The following BAZ2B variants were observed in gnomAD, a reference collection of about 807,000 sequenced individuals.
BAZ2B encodes bromodomain adjacent to zinc finger domain protein 2B.
Under a neutral mutation model 246.0 loss-of-function variants are expected in BAZ2B, and 91 were observed. That is an observed-to-expected ratio of 0.37 (90% CI 0.31 to 0.44). The LOEUF (loss-of-function observed/expected upper bound fraction) is 0.44. BAZ2B is among the 20% of genes least tolerant of loss of function. The pLI, the probability that BAZ2B is intolerant of heterozygous loss-of-function variation, is 1.00. For missense variants in BAZ2B, 2,332 were observed against 2,533.7 expected, an observed-to-expected ratio of 0.92 and a Z score of 1.71; for synonymous variants, 855 against 860.0, an observed-to-expected ratio of 0.99 and a Z score of 0.10.
At chr2:159,355,540 T>C (rs1172245598) in intron 27 of BAZ2B, among the ~76,000 whole-genome samples, 1 of 152,234 alleles carries the variant, frequency 6.6e-6, no homozygotes, top group African/African-American at 2.4e-5. Context: ...GCACACTTAA[T>C]GCTTTAACCA....
At position 159,457,878 on chromosome 2, in the gene BAZ2B, T is replaced by C. The variant is rs114015732; in HGVS notation, c.146-4077A>G. ...CCTCACTTCTCAGAATCTTTCAACATTTGTGCCAAGCCCCAAGCCTCCCTT... is the reference window on the plus strand; with the variant it reads ...CCTCACTTCTCAGAATCTTTCAACACTTGTGCCAAGCCCCAAGCCTCCCTT... On this transcript the variant is annotated intron_variant, in intron 3 of 36. Transcript: ENST00000392783. Among the ~76,000 whole-genome samples, 624 of 152,244 alleles carry C rather than the reference T, an allele frequency of 4.1e-3. 4 individuals are homozygous for C. Among genetic ancestry groups the C allele is most frequent in the African/African-American group, 0.014 (597 of 41,536 alleles).
chr2:159,696,526 C>T, the BAZ2B span, among the ~76,000 whole-genome samples: 1 of 152,146 alleles, frequency 6.6e-6, no homozygotes, highest in Admixed American at 6.5e-5. Flanking sequence ...CCTGTAGTCT[C>T]CTCTGATCTA....
intron 31 of BAZ2B, among the ~76,000 whole-genome samples, chr2:159,344,048 A>G (rs547667724): frequency 2.2e-4 from 33 of 147,828 alleles, no homozygotes; most frequent in Admixed American, 5.3e-4. Context: ...AAAAAAAAGA[A>G]AAAAAAAAAA....
chr2:159,507,368 TA>T (rs148878837), intron 2 of BAZ2B, among the ~76,000 whole-genome samples: 15 of 149,970 alleles, frequency 1.0e-4, no homozygotes, highest in East Asian at 7.8e-4. Context: ...GTGAGGAGGT[TA>T]AAAAAAAAAT....
the BAZ2B span, among the ~76,000 whole-genome samples, chr2:159,668,566 G>A: frequency 6.6e-6 from 1 of 152,116 alleles, no homozygotes; most frequent in Admixed American, 6.6e-5. Context: ...TCTCAATCAT[G>A]TAGGTAGGTA....
At chr2:159,373,382 T>TA (rs1372707812) in intron 26 of BAZ2B, among the ~76,000 whole-genome samples, 193 bp from the exon 27 acceptor site, 1 of 152,250 alleles carries the variant, frequency 6.6e-6, no homozygotes, top group Non-Finnish European at 1.5e-5. Context: ...ATTTTAAGGA[T>TA]AATTATTTTT....
chr2:159,326,861 T>C (rs993081670), intron 34 of BAZ2B, among the ~76,000 whole-genome samples: 1 of 152,198 alleles, frequency 6.6e-6, no homozygotes, highest in Admixed American at 6.5e-5. Flanking sequence ...TTAAATGTTA[T>C]AATAAATATA....
At chr2:159,438,733 A>G (rs200848441) in intron 7 of BAZ2B, 38 bp from the exon 8 acceptor site, 3 of 1,529,640 alleles carry the variant, frequency 2.0e-6, no homozygotes, top group Non-Finnish European at 8.7e-7. Context: ...CCTAACATCT[A>G]TTAAGACAAA....
At chr2:159,614,388 A>G (rs1274986142) in intron 1 of BAZ2B, among the ~76,000 whole-genome samples, 1 of 152,222 alleles carries the variant, frequency 6.6e-6, no homozygotes, top group Non-Finnish European at 1.5e-5. Context: ...ATCTGCTACT[A>G]AATTTTAAAG....
At chr2:159,375,929 T>C (rs1020192370) in intron 25 of BAZ2B, among the ~76,000 whole-genome samples, 4 of 152,180 alleles carry the variant, frequency 2.6e-5, no homozygotes, top group African/African-American at 7.2e-5. Flanking sequence ...CTTGAACACA[T>C]TGAGTTTTTA....
chr2:159,436,596 A>G (rs2072361877), intron 8 of BAZ2B, among the ~76,000 whole-genome samples: 2 of 151,936 alleles, frequency 1.3e-5, no homozygotes, highest in South Asian at 4.1e-4. Context: ...TAAAAATACA[A>G]AAAAATTAGC....
At chr2:159,693,566 G>C in the BAZ2B span, 2 of 151,780 alleles carry the variant, frequency 1.3e-5, no homozygotes, top group African/African-American at 4.8e-5. Context: ...TGCGACCATA[G>C]GCATGTGCCA....
intron 27 of BAZ2B, among the ~76,000 whole-genome samples, chr2:159,361,237 A>G (rs138553151): frequency 0.038 from 5,848 of 152,328 alleles, 227 homozygotes; most frequent in African/African-American, 0.1. Context: ...TCTACAAAGA[A>G]CTTAAACAAA....
intron 1 of BAZ2B, among the ~76,000 whole-genome samples, chr2:159,584,372 G>A (rs926285129): frequency 7.9e-5 from 12 of 151,986 alleles, no homozygotes; most frequent in African/African-American, 2.2e-4. Context: ...CTACCCACTC[G>A]GCCTTCCAAA....
At chr2:159,682,083 C>T in the BAZ2B span, among the ~76,000 whole-genome samples, 4 of 151,652 alleles carry the variant, frequency 2.6e-5, no homozygotes, top group Admixed American at 1.3e-4. Flanking sequence ...AGTAAAGGAA[C>T]GTAGTCAACC....
At chr2:159,679,673 C>T in the BAZ2B span, among the ~76,000 whole-genome samples, 1 of 152,152 alleles carries the variant, frequency 6.6e-6, no homozygotes, top group African/African-American at 2.4e-5. Flanking sequence ...TAGTTCATCA[C>T]TATTCAGGAA....
At chr2:159,315,670 G>A (rs1173959788), downstream of BAZ2B, among the ~76,000 whole-genome samples, 2 of 152,182 alleles carry the variant, frequency 1.3e-5, no homozygotes, top group Admixed American at 1.3e-4. Flanking sequence ...CTATCACTAT[G>A]CCATATTAGG....
At chr2:159,539,258 C>T (rs2086372688) in intron 2 of BAZ2B, among the ~76,000 whole-genome samples, 1 of 152,164 alleles carries the variant, frequency 6.6e-6, no homozygotes, top group South Asian at 2.1e-4. Flanking sequence ...AGTGCATTTT[C>T]TACTTTTATA....
At chr2:159,457,883 G>A (rs1343903513) in intron 3 of BAZ2B, among the ~76,000 whole-genome samples, 1 of 152,020 alleles carries the variant, frequency 6.6e-6, no homozygotes, top group African/African-American at 2.4e-5. Context: ...CAACATTTGT[G>A]CCAAGCCCCA....
Sources: allele counts gnomAD v4.1 joint callset (sites outside exome capture counted in the v4.1 genomes callset), GRCh38; gene constraint gnomAD v4.1.1; transcripts MANE v1.5; gene names NCBI Gene and HGNC (gene_info 2026-07-23, HGNC 2026-07-21).